ARHGAP15: variants seen among roughly 807,000 people sequenced by gnomAD.
The protein encoded by ARHGAP15 is rho GTPase-activating protein 15.
ARHGAP15 carries 51 observed loss-of-function variants against 63.7 expected under a neutral mutation model. The ratio of observed to expected loss-of-function variants is 0.80; its 90% CI spans 0.64 to 1.01. The LOEUF (loss-of-function observed/expected upper bound fraction) is 1.01. ARHGAP15 is among the 50% of genes least tolerant of loss of function. The pLI is 0.00. For missense variants in ARHGAP15, 560 were observed against 564.6 expected (o/e 0.99, Z 0.08); for synonymous variants, 191 against 193.8 (o/e 0.99, Z 0.12).
intron 6 of ARHGAP15, among the ~76,000 whole-genome samples, chr2:143,413,832 C>T (rs1304945952): frequency 6.6e-6 from 1 of 151,928 alleles, no homozygotes; most frequent in Non-Finnish European, 1.5e-5. Context: ...AAACTGTGAG[C>T]TCATCTGTCC....
chr2:143,260,304 G>A (rs1680654060), intron 6 of ARHGAP15, among the ~76,000 whole-genome samples: 1 of 152,080 alleles, frequency 6.6e-6, no homozygotes, highest in African/African-American at 2.4e-5. Context: ...TTAGAATTAG[G>A]ATATCTCTGT....
At chr2:143,694,715 C>T (rs1349156902) in intron 12 of ARHGAP15, among the ~76,000 whole-genome samples, 1 of 152,230 alleles carries the variant, frequency 6.6e-6, no homozygotes, top group African/African-American at 2.4e-5. Context: ...ATAACTCTCT[C>T]TGCTCTCAGC....
intron 6 of ARHGAP15, among the ~76,000 whole-genome samples, chr2:143,360,165 G>C (rs1175143517): frequency 6.6e-6 from 1 of 151,468 alleles, no homozygotes; most frequent in African/African-American, 2.4e-5. Context: ...GACTGCTAGA[G>C]GCCTGGAGTT....
chr2:143,279,463 G>T (rs571230318), intron 6 of ARHGAP15, among the ~76,000 whole-genome samples: 1 of 150,928 alleles, frequency 6.6e-6, no homozygotes, highest in African/African-American at 2.5e-5. Context: ...AATGTGACCC[G>T]GGCCTATTTT....
chr2:143,662,884 G>T (rs1171387884), intron 12 of ARHGAP15, among the ~76,000 whole-genome samples: 1 of 142,944 alleles, frequency 7.0e-6, no homozygotes, highest in Non-Finnish European at 1.5e-5. Flanking sequence ...AAAAAGAAAT[G>T]AGCAAAGCCT....
chr2:143,679,221 C>G (rs1347427771), intron 12 of ARHGAP15, among the ~76,000 whole-genome samples: 1 of 152,012 alleles, frequency 6.6e-6, no homozygotes, highest in Non-Finnish European at 1.5e-5. Flanking sequence ...TGTGCATTAC[C>G]TGGAAAACAA....
At chr2:143,668,452 A>G (rs771806226) in intron 12 of ARHGAP15, among the ~76,000 whole-genome samples, 103 of 152,322 alleles carry the variant, frequency 6.8e-4, no homozygotes, top group African/African-American at 2.4e-3. Context: ...GACATCGTCA[A>G]TTGTGGTGAT....
At chr2:143,520,071 ATGTAT>A (rs1392070586) in intron 10 of ARHGAP15, among the ~76,000 whole-genome samples, 1 of 152,192 alleles carries the variant, frequency 6.6e-6, no homozygotes, top group Admixed American at 6.5e-5. Context: ...ATCTTAAAAA[ATGTAT>A]TGTATAAAAA....
chr2:143,545,829 AC>A (rs1219602786), intron 10 of ARHGAP15, among the ~76,000 whole-genome samples: 1 of 152,160 alleles, frequency 6.6e-6, no homozygotes, highest in African/African-American at 2.4e-5. Context: ...TGGATTGCAA[AC>A]AAAAACAGAT....
chr2:143,453,718 A>T (rs901155745), intron 8 of ARHGAP15, among the ~76,000 whole-genome samples: 1 of 151,828 alleles, frequency 6.6e-6, no homozygotes, highest in East Asian at 1.9e-4. Context: ...TTTTCCATTT[A>T]TAAAAGTCTT....
Position 143,650,556 on chromosome 2 carries a change from G to A in ARHGAP15, c.1138+26289G>A, listed in dbSNP as rs74920772. 4.6e-3 allele frequency among the ~76,000 whole-genome samples: 700 copies of A among 151,880 alleles called. 8 individuals are homozygous for A. The highest frequency in any genetic ancestry group is 0.016 in the African/African-American group (648 of 41,494). ...TTCATCTGATTTTCCCATAGTATTG[G>A]GTACTGCACCCACTAAGTATTCTCA... On this transcript the variant is annotated intron_variant, in intron 12 of 13. Transcript: ENST00000295095.
At chr2:143,579,391 T>C (rs1696801734) in intron 11 of ARHGAP15, among the ~76,000 whole-genome samples, 1 of 152,212 alleles carries the variant, frequency 6.6e-6, no homozygotes, top group African/African-American at 2.4e-5. Context: ...TCATTACATT[T>C]GAATCTGTTT....
At chr2:143,192,807 T>C (rs1379117636) in intron 2 of ARHGAP15, among the ~76,000 whole-genome samples, 1 of 152,246 alleles carries the variant, frequency 6.6e-6, no homozygotes, top group East Asian at 1.9e-4. Context: ...TGCTGTTGTA[T>C]GTGCCTTTTT....
intron 6 of ARHGAP15, among the ~76,000 whole-genome samples, chr2:143,342,884 C>A (rs549011260): frequency 6.7e-6 from 1 of 148,348 alleles, no homozygotes; most frequent in Non-Finnish European, 1.5e-5. Context: ...ATACCACACA[C>A]TTTCCTTCCT....
At chr2:143,646,285 A>C (rs191030586) in intron 12 of ARHGAP15, among the ~76,000 whole-genome samples, 1 of 152,074 alleles carries the variant, frequency 6.6e-6, no homozygotes. Context: ...TGAAAGAAGA[A>C]GGTGGAATGC....
intron 6 of ARHGAP15, among the ~76,000 whole-genome samples, chr2:143,285,639 A>AG (rs371019005): frequency 2.0e-5 from 3 of 152,188 alleles, no homozygotes; most frequent in African/African-American, 7.2e-5. Flanking sequence ...TTGTGAAAAG[A>AG]GGATACATAT....
intron 11 of ARHGAP15, among the ~76,000 whole-genome samples, chr2:143,557,487 A>T (rs1490095906): frequency 6.6e-6 from 1 of 152,026 alleles, no homozygotes; most frequent in Non-Finnish European, 1.5e-5. Context: ...AGAGGGAGAG[A>T]TGAATAGGTG....
chr2:143,483,584 T>C (rs180749046), intron 8 of ARHGAP15, among the ~76,000 whole-genome samples: 8 of 152,328 alleles, frequency 5.3e-5, no homozygotes, highest in African/African-American at 1.9e-4. Context: ...TGTTAAGTGT[T>C]TCTTCAGTCT....
At chr2:143,412,472 T>C (rs2105026326) in intron 6 of ARHGAP15, among the ~76,000 whole-genome samples, 1 of 152,284 alleles carries the variant, frequency 6.6e-6, no homozygotes, top group Non-Finnish European at 1.5e-5. Context: ...CAACCTCAAA[T>C]TGTTATTGAG....
Sources: gnomAD v4.1 joint callset for allele counts (sites outside exome capture counted in the v4.1 genomes callset) on GRCh38, gnomAD v4.1.1 for gene constraint, MANE v1.5 for transcripts, NCBI Gene and HGNC (gene_info 2026-07-23, HGNC 2026-07-21) for gene names.